The following TXLNB variants were observed in gnomAD, a reference collection of about 807,000 sequenced individuals.
The protein encoded by TXLNB is taxilin beta, also known as beta-taxilin.
Under a neutral mutation model 57.4 loss-of-function variants are expected in TXLNB, and 37 were observed. The ratio of observed to expected loss-of-function variants is 0.64; its 90% CI spans 0.50 to 0.85. TXLNB has a LOEUF of 0.85. TXLNB is among the 40% of genes least tolerant of loss of function. The pLI, the probability that TXLNB is intolerant of heterozygous loss-of-function variation, is 0.00. For missense variants in TXLNB, 848 were observed against 825.6 expected (o/e 1.03, Z -0.33); for synonymous variants, 302 against 309.6 (o/e 0.98, Z 0.26).
the TXLNB span, among the ~76,000 whole-genome samples, chr6:139,231,494 G>A: frequency 1.3e-5 from 2 of 151,994 alleles, no homozygotes; most frequent in Non-Finnish European, 2.9e-5. Flanking sequence ...TGCAGAGAAG[G>A]CCCTCAATGT....
At position 139,289,376 on chromosome 6, in the gene TXLNB, T is replaced by TA. The variant is rs1282038606; in HGVS notation, c.-14-464dup. On this transcript the variant is annotated intron_variant, in intron 1 of 9. Coordinates refer to ENST00000358430, the MANE Select transcript of TXLNB (RefSeq NM_153235.4). ...CACAACCCTCTCACGTGCACGCACT[T>TA]AGAGTTGTGAGCCCTTAAAAGGGAC... 5.3e-5 allele frequency among the ~76,000 whole-genome samples: 8 copies of TA among 152,266 alleles called. No homozygotes were observed. The East Asian group carries it at 1.5e-3, about 29-fold the overall frequency.
chr6:139,289,926 T>C lies in TXLNB; in HGVS notation c.-14-1013A>G, dbSNP rs547164230. On this transcript the variant is annotated intron_variant, in intron 1 of 9. Coordinates refer to ENST00000358430, the MANE Select transcript of TXLNB (RefSeq NM_153235.4). The stretch of plus-strand genomic sequence containing the variant: ...ATCAATATTTTGCTTAGTGTGAATA[T>C]TTTGATGTAAATGCATTATTACACT... Among the ~76,000 whole-genome samples the C allele has an allele frequency of 2.0e-5, 3 of 152,358 alleles. No homozygotes were observed. In the East Asian group the frequency reaches 5.8e-4, roughly 29 times the overall value.
chr6:139,181,160 A>G, the TXLNB span, among the ~76,000 whole-genome samples: 1 of 152,226 alleles, frequency 6.6e-6, no homozygotes, highest in Non-Finnish European at 1.5e-5. Flanking sequence ...CACATAGCCA[A>G]AACTTAAGTC....
chr6:139,300,489 G>C, the TXLNB span, among the ~76,000 whole-genome samples: 14 of 152,086 alleles, frequency 9.2e-5, no homozygotes, highest in Admixed American at 2.6e-4. Flanking sequence ...GGATGCCTAG[G>C]CTAATTGTCC....
At chr6:139,198,945 C>T in the TXLNB span, among the ~76,000 whole-genome samples, 1 of 151,700 alleles carries the variant, frequency 6.6e-6, no homozygotes, top group Non-Finnish European at 1.5e-5. Context: ...TAAACTCTTT[C>T]GAATATGCCA....
At chr6:139,215,056 G>A in the TXLNB span, among the ~76,000 whole-genome samples, 1 of 151,994 alleles carries the variant, frequency 6.6e-6, no homozygotes, top group Non-Finnish European at 1.5e-5. Flanking sequence ...TACTGCCCAA[G>A]GTAATTTATA....
At chr6:139,200,274 A>T in the TXLNB span, among the ~76,000 whole-genome samples, 1 of 151,386 alleles carries the variant, frequency 6.6e-6, no homozygotes. Context: ...TCTCACAGGC[A>T]TCTCCCCTAA....
the TXLNB span, among the ~76,000 whole-genome samples, chr6:139,323,700 T>C: frequency 7.9e-5 from 12 of 152,246 alleles, no homozygotes; most frequent in Non-Finnish European, 1.6e-4. Context: ...GTACATCTGC[T>C]GCATTGTCTT....
chr6:139,260,240 A>G, intron 6 of TXLNB, 78 bp downstream of exon 6: 1 of 1,485,330 alleles, frequency 6.7e-7, no homozygotes, highest in African/African-American at 1.4e-5. Flanking sequence ...ATAAATAAAT[A>G]AATACAAAAC....
At chr6:139,299,454 A>G in the TXLNB span, among the ~76,000 whole-genome samples, 1 of 152,238 alleles carries the variant, frequency 6.6e-6, no homozygotes, top group Non-Finnish European at 1.5e-5. Context: ...TCAACTGTTA[A>G]TAGTCCCAAC....
the TXLNB span, among the ~76,000 whole-genome samples, chr6:139,298,193 AAAAT>A: frequency 3.3e-5 from 5 of 152,258 alleles, no homozygotes; most frequent in African/African-American, 7.2e-5. Context: ...TTGCATAAAT[AAAAT>A]AAATAGTTTG....
At chr6:139,229,861 A>C in the TXLNB span, among the ~76,000 whole-genome samples, 1 of 152,078 alleles carries the variant, frequency 6.6e-6, no homozygotes, top group Non-Finnish European at 1.5e-5. Flanking sequence ...TCTGATAGAC[A>C]ATGCACCTCC....
At chr6:139,228,603 C>G in the TXLNB span, among the ~76,000 whole-genome samples, 1 of 151,390 alleles carries the variant, frequency 6.6e-6, no homozygotes, top group Non-Finnish European at 1.5e-5. Context: ...ATATGGTTAC[C>G]AGGATTAAGT....
chr6:139,163,378 G>A, the TXLNB span, among the ~76,000 whole-genome samples: 1 of 142,678 alleles, frequency 7.0e-6, no homozygotes, highest in Admixed American at 7.6e-5. Context: ...TTTTTTAAAG[G>A]GAGTCTCACT....
the TXLNB span, among the ~76,000 whole-genome samples, chr6:139,188,795 C>T: frequency 2.0e-5 from 3 of 150,012 alleles, no homozygotes; most frequent in African/African-American, 7.6e-5. Flanking sequence ...TGCTCTGTCG[C>T]CCAGGCTGGA....
chr6:139,283,524 C>T (rs1174715663), intron 2 of TXLNB, among the ~76,000 whole-genome samples: 5 of 137,570 alleles, frequency 3.6e-5, no homozygotes, highest in Admixed American at 7.2e-5. Context: ...TGTGGTGAGC[C>T]GAGATCGCAC....
chr6:139,250,694 C>T (rs982080071), intron 7 of TXLNB, among the ~76,000 whole-genome samples: 1 of 152,158 alleles, frequency 6.6e-6, no homozygotes, highest in Non-Finnish European at 1.5e-5. Context: ...CTGTGGTCTC[C>T]TCAGCTGGTC....
the TXLNB span, among the ~76,000 whole-genome samples, chr6:139,310,047 A>G: frequency 1.3e-5 from 2 of 152,330 alleles, no homozygotes; most frequent in African/African-American, 2.4e-5. Flanking sequence ...ACAGGGGAAA[A>G]GCTTCTTGAC....
chr6:139,302,224 G>A, the TXLNB span, among the ~76,000 whole-genome samples: 5 of 151,182 alleles, frequency 3.3e-5, no homozygotes, highest in Admixed American at 2.0e-4. Context: ...ATTTTTAAGC[G>A]TAAGAAGAGA....
Sources: allele counts gnomAD v4.1 joint callset (sites outside exome capture counted in the v4.1 genomes callset), GRCh38; gene constraint gnomAD v4.1.1; transcripts MANE v1.5; gene names NCBI Gene and HGNC (gene_info 2026-07-23, HGNC 2026-07-21).